The following CEP128 variants were observed in gnomAD, a reference collection of about 807,000 sequenced individuals.
CEP128 encodes centrosomal protein 128.
CEP128 carries 132 observed loss-of-function variants against 156.7 expected under a neutral mutation model. The observed-to-expected ratio is 0.84, with a 90% confidence interval of 0.73 to 0.97. CEP128 has a LOEUF of 0.97. CEP128 is among the 50% of genes least tolerant of loss of function. The pLI is 0.00. For synonymous variants in CEP128, 469 were observed against 448.9 expected, an observed-to-expected ratio of 1.04 and a Z score of -0.57; for missense variants, 1,252 against 1,281.9, an observed-to-expected ratio of 0.98 and a Z score of 0.36.
chr14:80,535,420 C>G (rs1450839646), intron 21 of CEP128, among the ~76,000 whole-genome samples: 1 of 152,202 alleles, frequency 6.6e-6, no homozygotes, highest in African/African-American at 2.4e-5. Flanking sequence ...TATGTAAATT[C>G]CTAACTTCCC....
Position 80,671,399 on chromosome 14 carries a change from G to C in CEP128, c.2806+71676C>G, listed in dbSNP as rs568583698. On this transcript the variant is annotated intron_variant, in intron 19 of 24. Transcript: ENST00000555265. ...TGGTGTCAGACAATTTATGTTCTCT[G>C]ACAGACTTCCTCATCAGTTATACAT... is the stretch of plus-strand genomic sequence containing the variant. 3.9e-5 allele frequency among the ~76,000 whole-genome samples: 6 copies of C among 152,240 alleles called. No homozygotes were observed. The South Asian group carries it at 1.2e-3, about 32-fold the overall frequency.
At chr14:80,479,541 C>T (rs118044074) in intron 14 of CEP128, among the ~76,000 whole-genome samples, 1,973 of 152,264 alleles carry the variant, frequency 0.013, 21 homozygotes, top group Non-Finnish European at 0.022. Flanking sequence ...GAGAATATCA[C>T]GGGAAAGATA....
At chr14:80,735,865 T>A (rs1357913725) in intron 19 of CEP128, among the ~76,000 whole-genome samples, 1 of 152,154 alleles carries the variant, frequency 6.6e-6, no homozygotes, top group African/African-American at 2.4e-5. Context: ...CAGCTGAGTC[T>A]TTCTCATATT....
At position 80,743,099 on chromosome 14, in the gene CEP128, C is replaced by T. The variant is rs753849724; in HGVS notation, c.2782G>A (p.Asp928Asn). ...QQIERQEQLLDEIHREKRDLL... is the reference protein window; with the variant it reads ...QQIERQEQLLNEIHREKRDLL... ...CCTCTCTTCTCACGATGTATTTCAT[C>T]CAGAAGCTGCTCCTGCCTTTCTATC... Residue 928 changes from aspartate to asparagine, a missense_variant, in exon 19 of 25, where the codon GAT becomes AAT. Physicochemically the swap from Asp to Asn is conservative, Grantham distance 23. Coordinates refer to ENST00000555265, the MANE Select transcript of CEP128 (RefSeq NM_152446.5). 1 of 1,613,428 alleles carries T rather than the reference C, an allele frequency of 6.2e-7. No homozygotes were observed. Among genetic ancestry groups the T allele is most frequent in the African/African-American group, 1.3e-5 (1 of 74,868 alleles).
At chr14:80,792,702 G>T in intron 14 of CEP128, 58 bp downstream of exon 14, 3 of 1,389,550 alleles carry the variant, frequency 2.2e-6, no homozygotes. Flanking sequence ...TCAAAGGATA[G>T]ATGAATGAAT....
chr14:80,772,397 G>C (rs1021317980), intron 16 of CEP128, among the ~76,000 whole-genome samples: 1 of 152,068 alleles, frequency 6.6e-6, no homozygotes, highest in African/African-American at 2.4e-5. Flanking sequence ...CCAAACTCCA[G>C]GGGAAGATCA....
intron 23 of CEP128, 75 bp from the exon 24 acceptor site, chr14:80,505,095 T>G (rs1887911642): frequency 1.8e-6 from 1 of 548,670 alleles, no homozygotes; most frequent in East Asian, 3.0e-5. Context: ...GTACTGAAGC[T>G]GAAATTAAAT....
At chr14:80,496,062 A>T (rs959179581), downstream of CEP128, among the ~76,000 whole-genome samples, 4 of 152,110 alleles carry the variant, frequency 2.6e-5, no homozygotes, top group Admixed American at 6.6e-5. Flanking sequence ...AAGAAAACCA[A>T]ATCTGTTGTC....
At chr14:80,942,374 C>T (rs912328213), upstream of CEP128, 6 of 152,168 alleles carry the variant, frequency 3.9e-5, no homozygotes, top group South Asian at 1.2e-3. Context: ...GGTGTCATCT[C>T]CTCACTCTAG....
chr14:80,605,907 T>A (rs1479251628), intron 19 of CEP128, among the ~76,000 whole-genome samples: 2 of 151,986 alleles, frequency 1.3e-5, no homozygotes, highest in African/African-American at 4.8e-5. Context: ...CAATTGGTAA[T>A]AGAAAAATAA....
At chr14:80,595,969 T>A (rs556334585) in intron 19 of CEP128, among the ~76,000 whole-genome samples, 1 of 148,398 alleles carries the variant, frequency 6.7e-6, no homozygotes, top group African/African-American at 2.5e-5. Context: ...TCTCACCGTG[T>A]CCCTCCCAGA....
intron 19 of CEP128, among the ~76,000 whole-genome samples, chr14:80,591,814 C>T (rs1235592830): frequency 6.6e-6 from 1 of 152,138 alleles, no homozygotes; most frequent in Admixed American, 6.5e-5. Context: ...GTGTCTCAAA[C>T]CACAGTGCAA....
At position 80,831,180 on chromosome 14, in the gene CEP128, T is replaced by C. The variant is rs1483363740; in HGVS notation, c.1172A>G (p.Lys391Arg). 5 of 1,613,942 alleles carry C rather than the reference T, an allele frequency of 3.1e-6. No individual in the cohort carries two copies. In the African/African-American group the frequency reaches 4.0e-5, roughly 13 times the overall value. ...LEEVKRCMER[K>R]DKEKAHLASQ... Reference sequence around the variant, plus strand: ...TGCCAAATGTGCTTTCTCCTTGTCTTTTCTCTCCATGCACCGTTTCACTTC... The same window carrying C: ...TGCCAAATGTGCTTTCTCCTTGTCTCTTCTCTCCATGCACCGTTTCACTTC... The change falls in exon 13 of 25, where the codon AAA becomes AGA. Residue 391 changes from lysine to arginine, a missense_variant. By Grantham distance (26) the Lys-to-Arg change is conservative (BLOSUM62 2). Transcript: ENST00000555265.
upstream of CEP128, among the ~76,000 whole-genome samples, chr14:80,945,282 A>G (rs1886313095): frequency 6.6e-6 from 1 of 152,180 alleles, no homozygotes; most frequent in Non-Finnish European, 1.5e-5. Context: ...TTGAATTAGA[A>G]CTTTATACTA....
intron 9 of CEP128, among the ~76,000 whole-genome samples, chr14:80,841,541 G>A (rs187600469): frequency 1.3e-5 from 2 of 152,020 alleles, no homozygotes; most frequent in African/African-American, 4.8e-5. Context: ...TGCTTTTATA[G>A]TGTTTAGTAT....
chr14:80,543,194 C>T (rs1048184151), intron 21 of CEP128, among the ~76,000 whole-genome samples: 11 of 152,118 alleles, frequency 7.2e-5, no homozygotes, highest in African/African-American at 1.9e-4. Context: ...TTAAAGTTTA[C>T]TTTCATAATT....
At chr14:80,765,278 G>T (rs1338235228) in intron 16 of CEP128, among the ~76,000 whole-genome samples, 1 of 152,194 alleles carries the variant, frequency 6.6e-6, no homozygotes, top group Non-Finnish European at 1.5e-5. Flanking sequence ...CTTTCTCGCA[G>T]TTTCATGTTT....
chr14:80,782,335 A>G (rs1901169146), intron 15 of CEP128, among the ~76,000 whole-genome samples: 1 of 152,182 alleles, frequency 6.6e-6, no homozygotes, highest in African/African-American at 2.4e-5. Flanking sequence ...TCAACTCTGA[A>G]AATTCTTATA....
At chr14:80,710,289 C>T (rs1897356211) in intron 19 of CEP128, among the ~76,000 whole-genome samples, 1 of 151,856 alleles carries the variant, frequency 6.6e-6, no homozygotes, top group South Asian at 2.1e-4. Flanking sequence ...ACTGTTTTCT[C>T]ATGAGAAATA....
Sources: allele counts gnomAD v4.1 joint callset (sites outside exome capture counted in the v4.1 genomes callset), GRCh38; gene constraint gnomAD v4.1.1; transcripts MANE v1.5; gene names NCBI Gene and HGNC (gene_info 2026-07-23, HGNC 2026-07-21).